SGIP1: variants seen among roughly 807,000 people sequenced by gnomAD.
The protein encoded by SGIP1 is SH3GL interacting endocytic adaptor 1, also known as SH3-containing GRB2-like protein 3-interacting protein 1.
SGIP1 carries 38 observed loss-of-function variants against 107.5 expected under a neutral mutation model. That is an observed-to-expected ratio of 0.35 (90% confidence interval 0.27 to 0.46). SGIP1 has a LOEUF of 0.46. SGIP1 is among the 20% of genes least tolerant of loss of function. SGIP1 has a pLI of 1.00. For synonymous variants in SGIP1, 365 were observed against 366.1 expected, an observed-to-expected ratio of 1.00 and a Z score of 0.03; for missense variants, 929 against 1,019.5, an observed-to-expected ratio of 0.91 and a Z score of 1.21.
chr1:66,586,439 GTT>G (rs998040206), intron 1 of SGIP1, among the ~76,000 whole-genome samples: 9 of 151,966 alleles, frequency 5.9e-5, no homozygotes, highest in Admixed American at 3.9e-4. Context: ...ACTTGAACAT[GTT>G]TTTTCAGAAT....
intron 9 of SGIP1, among the ~76,000 whole-genome samples, chr1:66,670,120 T>C (rs980572519): frequency 2.0e-5 from 3 of 152,198 alleles, no homozygotes; most frequent in African/African-American, 7.2e-5. Context: ...ATTCTCCTAC[T>C]GCAGGCATCC....
chr1:66,671,573 A>T (rs2083816300), intron 10 of SGIP1, among the ~76,000 whole-genome samples: 2 of 152,340 alleles, frequency 1.3e-5, no homozygotes, highest in South Asian at 4.1e-4. Flanking sequence ...AGAATGCTGG[A>T]TTCATGTATT....
chr1:66,608,659 T>C (rs1469973513), intron 1 of SGIP1, among the ~76,000 whole-genome samples: 1 of 152,192 alleles, frequency 6.6e-6, no homozygotes, highest in Non-Finnish European at 1.5e-5. Context: ...GCAGCTCCCA[T>C]TAATACTTAT....
At chr1:66,618,394 T>C (rs2070003851) in intron 1 of SGIP1, among the ~76,000 whole-genome samples, 1 of 152,130 alleles carries the variant, frequency 6.6e-6, no homozygotes, top group Admixed American at 6.5e-5. Flanking sequence ...TCAGCAAAAG[T>C]CATTAGTTTA....
At chr1:66,634,783 T>C (rs1191258167) in intron 3 of SGIP1, among the ~76,000 whole-genome samples, 2 of 152,216 alleles carry the variant, frequency 1.3e-5, no homozygotes, top group East Asian at 1.9e-4. Context: ...TTATAGGTAA[T>C]TGGACATTAT....
At chr1:66,660,618 C>A in intron 8 of SGIP1, 94 bp downstream of exon 8, 1 of 1,175,786 alleles carries the variant, frequency 8.5e-7, no homozygotes, top group Non-Finnish European at 1.3e-6. Context: ...GTGTTTAACA[C>A]CTAAACAAGG....
intron 19 of SGIP1, among the ~76,000 whole-genome samples, chr1:66,725,172 A>G (rs2093698923): frequency 6.6e-6 from 1 of 152,214 alleles, no homozygotes; most frequent in South Asian, 2.1e-4. Context: ...TCAGAGCACT[A>G]CAAAGTTATG....
chr1:66,749,907 T>C lies in SGIP1; in HGVS notation c.*6812T>C, dbSNP rs1055390832. ...CAAGTTGCTAGAATGATAATTCATA[T>C]AGCTGTGTTGATTTTTCAGGTCAGA... On this transcript the variant is annotated 3_prime_UTR_variant, in exon 25 of 25. Transcript: ENST00000371037. Among the ~76,000 whole-genome samples the C allele has an allele frequency of 2.0e-5, 3 of 152,074 alleles. No individual in the cohort carries two copies. Among genetic ancestry groups the C allele is most frequent in the Non-Finnish European group, 4.4e-5 (3 of 67,964 alleles).
chr1:66,573,629 G>T (rs551480757), intron 1 of SGIP1, among the ~76,000 whole-genome samples: 12 of 152,184 alleles, frequency 7.9e-5, no homozygotes, highest in African/African-American at 2.6e-4. Context: ...GGAGCTGAAG[G>T]CCATTATCCT....
rs1483884171 is a variant in SGIP1, at chr1:66,748,164, T to G, written c.*5069T>G. On this transcript the variant is annotated 3_prime_UTR_variant, in exon 25 of 25. Coordinates refer to ENST00000371037, the MANE Select transcript of SGIP1 (RefSeq NM_032291.4). ...CTTTTTTTTCATGTGGAAAACAGTA[T>G]CTAAATGCCATTCTCTCACTTATGA... is the stretch of plus-strand genomic sequence containing the variant. 2 of 151,976 alleles carry G rather than the reference T, an allele frequency of 1.3e-5. No homozygotes were observed. Among genetic ancestry groups the G allele is most frequent in the African/African-American group, 4.8e-5 (2 of 41,444 alleles). 9.4% of individuals were successfully genotyped at this position (151,976 alleles called of 1,614,324 possible). A position where few individuals can be genotyped will look rare whatever the true frequency, so the allele number is the denominator to read the frequency against.
At chr1:66,580,242 T>G (rs1381167141) in intron 1 of SGIP1, among the ~76,000 whole-genome samples, 2 of 152,126 alleles carry the variant, frequency 1.3e-5, no homozygotes, top group Admixed American at 6.6e-5. Context: ...CTATATAACC[T>G]AAGGCCCCAC....
rs1286546473 is a variant in SGIP1 at position 66,705,117 on chromosome 1, G to C, written c.1630+9624G>C. Among the ~76,000 whole-genome samples, 11 of 152,276 alleles carry C rather than the reference G, an allele frequency of 7.2e-5. No homozygotes were observed. The East Asian group carries it at 1.9e-3, about 27-fold the overall frequency. On this transcript the variant is annotated intron_variant, in intron 18 of 24. Transcript: ENST00000371037. ...TTTATGTCTTCAACTATTCTGCACT[G>C]TGTGTGTAATCATTTCTGCTACAGC...
chr1:66,723,845 A>C (rs2093645203), intron 19 of SGIP1, among the ~76,000 whole-genome samples: 1 of 152,228 alleles, frequency 6.6e-6, no homozygotes, highest in South Asian at 2.1e-4. Flanking sequence ...ATAGTAGATA[A>C]GATGTGCGTG....
chr1:66,687,099 T>C (rs1469569248), intron 15 of SGIP1, among the ~76,000 whole-genome samples: 2 of 152,236 alleles, frequency 1.3e-5, no homozygotes, highest in African/African-American at 4.8e-5. Flanking sequence ...TCCTTAGTAC[T>C]TTCCCAGGCA....
At chr1:66,596,943 G>A (rs2148961922) in intron 1 of SGIP1, among the ~76,000 whole-genome samples, 1 of 152,182 alleles carries the variant, frequency 6.6e-6, no homozygotes, top group East Asian at 1.9e-4. Flanking sequence ...ACTCAAGGTA[G>A]CTGTATTCTT....
intron 1 of SGIP1, among the ~76,000 whole-genome samples, chr1:66,621,667 C>T (rs572756383): frequency 2.0e-5 from 3 of 152,314 alleles, no homozygotes; most frequent in African/African-American, 7.2e-5. Context: ...TTTGCCTACT[C>T]TGGAAATTTC....
intron 15 of SGIP1, among the ~76,000 whole-genome samples, chr1:66,688,086 T>C (rs867639552): frequency 2.6e-5 from 4 of 151,876 alleles, no homozygotes. Context: ...AGTTTTGTGA[T>C]GTGTTGTTTG....
chr1:66,589,214 A>ATGTGTGTGTGTGTGTGTGTGTGTGTG (rs1456083520), intron 1 of SGIP1, among the ~76,000 whole-genome samples: 9 of 91,368 alleles, frequency 9.9e-5, no homozygotes, highest in Admixed American at 2.3e-4. Context: ...ATATATATAT[A>ATGTGTGTGTGTGTGTGTGTGTGTGTG]TATGTAAGGC....
intron 18 of SGIP1, among the ~76,000 whole-genome samples, chr1:66,695,770 A>G (rs2090785499): frequency 6.6e-6 from 1 of 152,258 alleles, no homozygotes; most frequent in African/African-American, 2.4e-5. Context: ...AATAAAACAA[A>G]ACAAAACACA....
Sources: allele counts gnomAD v4.1 joint callset (sites outside exome capture counted in the v4.1 genomes callset), GRCh38; gene constraint gnomAD v4.1.1; transcripts MANE v1.5; gene names NCBI Gene and HGNC (gene_info 2026-07-23, HGNC 2026-07-21).